Variants in GPC6 observed in about 807,000 individuals in gnomAD.
GPC6 encodes glypican 6, also known as glypican-6.
A neutral mutation model predicts 55.2 loss-of-function variants in GPC6; 14 were observed. That is an observed-to-expected ratio of 0.25 (90% CI 0.17 to 0.40). The LOEUF (loss-of-function observed/expected upper bound fraction) is 0.40, where lower values mean the gene tolerates loss of function less well. Ranked by LOEUF, GPC6 falls within the 10% of genes least tolerant of loss-of-function variation. The pLI, the probability that GPC6 is intolerant of heterozygous loss-of-function variation, is 1.00. For synonymous variants in GPC6, 278 were observed against 259.6 expected (o/e 1.07, Z -0.68); for missense variants, 641 against 708.5 (o/e 0.90, Z 1.08).
intron 4 of GPC6, among the ~76,000 whole-genome samples, chr13:94,143,398 G>A (rs537823048): frequency 1.3e-5 from 2 of 152,248 alleles, no homozygotes; most frequent in African/African-American, 4.8e-5. Flanking sequence ...TATATAGGCA[G>A]TGTTATCTTT....
At chr13:93,261,452 T>C (rs1404136637) in intron 1 of GPC6, among the ~76,000 whole-genome samples, 1 of 152,216 alleles carries the variant, frequency 6.6e-6, no homozygotes, top group East Asian at 1.9e-4. Flanking sequence ...TTTCCTGTAG[T>C]ACTGCATTTA....
intron 3 of GPC6, among the ~76,000 whole-genome samples, chr13:93,935,555 G>A (rs1444860201): frequency 6.6e-6 from 1 of 152,108 alleles, no homozygotes; most frequent in Non-Finnish European, 1.5e-5. Flanking sequence ...GTGCTGTGAT[G>A]AACATATGAG....
chr13:94,330,150 C>T (rs1236444580), intron 6 of GPC6, among the ~76,000 whole-genome samples: 3 of 152,210 alleles, frequency 2.0e-5, no homozygotes, highest in Non-Finnish European at 4.4e-5. Context: ...CACCTTTCCT[C>T]TTCTTCTCTC....
intron 7 of GPC6, among the ~76,000 whole-genome samples, chr13:94,390,491 GGT>G (rs1287613839): frequency 6.6e-6 from 1 of 152,166 alleles, no homozygotes; most frequent in Non-Finnish European, 1.5e-5. Flanking sequence ...TTACAACCAT[GGT>G]GGAAGGCGAA....
intron 1 of GPC6, among the ~76,000 whole-genome samples, chr13:93,323,986 G>T (rs1830788): frequency 0.38 from 58,485 of 151,956 alleles, 14,507 homozygotes; most frequent in Non-Finnish European, 0.56. Context: ...GGAGATATCT[G>T]CACAACCATG....
At chr13:94,379,100 A>G (rs930359041) in intron 6 of GPC6, among the ~76,000 whole-genome samples, 1 of 152,238 alleles carries the variant, frequency 6.6e-6, no homozygotes, top group African/African-American at 2.4e-5. Context: ...CCGGAGCTAC[A>G]GCAGAGCAGT....
chr13:93,748,771 T>G (rs1388682748), intron 2 of GPC6, among the ~76,000 whole-genome samples: 1 of 152,136 alleles, frequency 6.6e-6, no homozygotes. Context: ...TAGTGAATTT[T>G]CTAAGTCTTT....
At chr13:94,075,778 T>C (rs1227150358) in intron 4 of GPC6, among the ~76,000 whole-genome samples, 2 of 152,150 alleles carry the variant, frequency 1.3e-5, no homozygotes, top group Admixed American at 6.6e-5. Flanking sequence ...ATGACAAGGT[T>C]TATTTTTATG....
At chr13:94,280,914 T>C (rs1344171222) in intron 4 of GPC6, among the ~76,000 whole-genome samples, 1 of 152,172 alleles carries the variant, frequency 6.6e-6, no homozygotes, top group Non-Finnish European at 1.5e-5. Context: ...AACATTGAAA[T>C]GACACATTAT....
intron 3 of GPC6, among the ~76,000 whole-genome samples, chr13:93,880,472 A>G (rs1163490478): frequency 6.6e-6 from 1 of 152,104 alleles, no homozygotes; most frequent in Non-Finnish European, 1.5e-5. Flanking sequence ...AGAACAAAAA[A>G]CCAAACACCG....
intron 1 of GPC6, among the ~76,000 whole-genome samples, chr13:93,372,410 AAT>A (rs1461705578): frequency 2.4e-4 from 37 of 152,310 alleles, no homozygotes; most frequent in Admixed American, 1.9e-3. Flanking sequence ...AGTGAAAAGA[AAT>A]TAATGAAACA....
chr13:93,964,584 G>T (rs1487658525), intron 3 of GPC6, among the ~76,000 whole-genome samples: 2 of 152,188 alleles, frequency 1.3e-5, no homozygotes, highest in Non-Finnish European at 2.9e-5. Context: ...TATTTTAAAA[G>T]AATAATGGGA....
intron 4 of GPC6, among the ~76,000 whole-genome samples, chr13:94,218,770 TTTACTTTGCATAAGAATCA>T (rs1890296126): frequency 1.3e-5 from 2 of 152,130 alleles, no homozygotes; most frequent in African/African-American, 4.8e-5. Flanking sequence ...GCTCTCAAAC[TTTACTTTGCATAAGAATCA>T]CCTTGGGATA....
At chr13:93,846,514 A>G (rs1022007180) in intron 3 of GPC6, among the ~76,000 whole-genome samples, 4 of 152,190 alleles carry the variant, frequency 2.6e-5, no homozygotes, top group Non-Finnish European at 5.9e-5. Context: ...AGCCACATAT[A>G]TAATTTGAAA....
rs190397828 is a variant in GPC6 at position 93,830,290 on chromosome 13, G to A, written c.456G>A (p.Gly152=). The A allele has an allele frequency of 9.3e-6, 15 of 1,613,984 alleles. No homozygotes were observed. The highest frequency in any genetic ancestry group is 3.3e-5 in the Admixed American group (2 of 60,018). ...LFTELKRYYT[G]GNVNLEEMLN... ...CAGAGCTGAAAAGGTACTACACTGG[G>A]GGTAATGTGAATCTGGAGGAAATGC... is the stretch of plus-strand genomic sequence containing the variant. Residue 152 remains glycine (G), a synonymous_variant, in exon 3 of 9, where the codon GGG becomes GGA. Coordinates refer to ENST00000377047, the MANE Select transcript of GPC6 (RefSeq NM_005708.5).
chr13:93,965,398 A>G (rs561198079), intron 3 of GPC6, among the ~76,000 whole-genome samples: 3 of 152,158 alleles, frequency 2.0e-5, no homozygotes, highest in Admixed American at 2.0e-4. Context: ...GTGACAGAGC[A>G]AGACTCCATC....
chr13:93,424,796 CTTAAAG>C (rs1014630085), intron 1 of GPC6, among the ~76,000 whole-genome samples: 1 of 152,092 alleles, frequency 6.6e-6, no homozygotes, highest in Admixed American at 6.6e-5. Flanking sequence ...GCTGTTGGAA[CTTAAAG>C]TTAAGAAGCC....
intron 2 of GPC6, among the ~76,000 whole-genome samples, chr13:93,641,387 C>A (rs1034533431): frequency 1.3e-5 from 2 of 152,078 alleles, no homozygotes; most frequent in Non-Finnish European, 2.9e-5. Context: ...TGTATTCTGA[C>A]TGCAGGGGTT....
Position 93,480,342 on chromosome 13 carries a change from T to C in GPC6, c.161-64921T>C, listed in dbSNP as rs371365477. ...AATAAAAAAATTTAGTTATATTTTC[T>C]CTTTTCAAACGGTTGAAATGGATGA... On this transcript the variant is annotated intron_variant, in intron 1 of 8. Transcript: ENST00000377047. Among the ~76,000 whole-genome samples the C allele has an allele frequency of 2.3e-3, 350 of 152,358 alleles. 3 individuals carry two copies. The highest frequency in any genetic ancestry group is 8.0e-3 in the African/African-American group (331 of 41,590).
Sources: allele counts gnomAD v4.1 joint callset (sites outside exome capture counted in the v4.1 genomes callset), GRCh38; gene constraint gnomAD v4.1.1; transcripts MANE v1.5; gene names NCBI Gene and HGNC (gene_info 2026-07-23, HGNC 2026-07-21).